The following GALNTL6 variants were observed in gnomAD, a reference collection of about 807,000 sequenced individuals.
The protein encoded by GALNTL6 is polypeptide N-acetylgalactosaminyltransferase like 6.
A neutral mutation model predicts 73.7 loss-of-function variants in GALNTL6; 46 were observed. That is an observed-to-expected ratio of 0.62 (90% CI 0.49 to 0.80). The LOEUF is 0.80. Ranked by LOEUF, GALNTL6 falls within the 30% of genes least tolerant of loss-of-function variation. The pLI, the probability that GALNTL6 is intolerant of heterozygous loss-of-function variation, is 0.00. For synonymous variants in GALNTL6, 259 were observed against 263.7 expected (o/e 0.98, Z 0.17); for missense variants, 604 against 755.0 (o/e 0.80, Z 2.34).
At chr4:173,021,695 GA>G (rs1432932917) in intron 12 of GALNTL6, 70 bp downstream of exon 12, 3 of 1,536,020 alleles carry the variant, frequency 2.0e-6, no homozygotes, top group Non-Finnish European at 2.7e-6. Context: ...AGTTTTCTTT[GA>G]AAACACACCG....
chr4:172,837,844 G>C (rs1407154042), intron 7 of GALNTL6, among the ~76,000 whole-genome samples: 1 of 152,128 alleles, frequency 6.6e-6, no homozygotes, highest in African/African-American at 2.4e-5. Context: ...CCTTCATGGG[G>C]TTTACTAACT....
At chr4:171,942,563 CTGTT>C (rs1329137979) in intron 2 of GALNTL6, among the ~76,000 whole-genome samples, 3 of 152,140 alleles carry the variant, frequency 2.0e-5, no homozygotes, top group African/African-American at 2.4e-5. Flanking sequence ...ACTCCTAAGT[CTGTT>C]TATGATTCAT....
chr4:172,846,719 C>A (rs1743528793), intron 7 of GALNTL6, among the ~76,000 whole-genome samples: 1 of 152,086 alleles, frequency 6.6e-6, no homozygotes, highest in South Asian at 2.1e-4. Flanking sequence ...ATTATTATTG[C>A]TAATTTACAG....
chr4:172,971,907 TA>T (rs1388763962), intron 10 of GALNTL6, among the ~76,000 whole-genome samples: 2 of 152,086 alleles, frequency 1.3e-5, no homozygotes, highest in South Asian at 2.1e-4. Flanking sequence ...TCAGATTGAC[TA>T]AAAAGGCAAC....
chr4:172,896,196 T>G (rs543821049), intron 8 of GALNTL6, among the ~76,000 whole-genome samples: 1 of 152,340 alleles, frequency 6.6e-6, no homozygotes, highest in African/African-American at 2.4e-5. Context: ...TGGAACAATG[T>G]CTACACATTG....
intron 5 of GALNTL6, among the ~76,000 whole-genome samples, chr4:172,737,475 AT>A (rs1444789163): frequency 1.3e-5 from 2 of 151,974 alleles, no homozygotes; most frequent in Admixed American, 1.3e-4. Context: ...TCTTTTTATT[AT>A]TTCAATTTTT....
intron 2 of GALNTL6, among the ~76,000 whole-genome samples, chr4:172,023,340 C>CTT (rs59906896): frequency 6.7e-6 from 1 of 148,540 alleles, no homozygotes; most frequent in African/African-American, 2.5e-5. Flanking sequence ...AAATACATAA[C>CTT]TTTTTTTTTT....
chr4:171,938,456 G>T (rs1738420214), intron 2 of GALNTL6, among the ~76,000 whole-genome samples: 2 of 152,174 alleles, frequency 1.3e-5, no homozygotes, highest in South Asian at 2.1e-4. Context: ...AATATTGTGT[G>T]CATGGACATC....
intron 2 of GALNTL6, among the ~76,000 whole-genome samples, chr4:172,098,699 G>A (rs1257694543): frequency 6.6e-6 from 1 of 152,168 alleles, no homozygotes; most frequent in African/African-American, 2.4e-5. Flanking sequence ...TTAAATTCAA[G>A]TTTGAATGTT....
intron 2 of GALNTL6, among the ~76,000 whole-genome samples, chr4:172,213,199 T>A (rs1233361780): frequency 6.6e-6 from 1 of 152,194 alleles, no homozygotes; most frequent in Non-Finnish European, 1.5e-5. Flanking sequence ...TTGAAGGACA[T>A]CTTAGTTGCT....
At chr4:171,816,380 G>A (rs1231205536) in intron 2 of GALNTL6, 1 of 151,820 alleles carries the variant, frequency 6.6e-6, no homozygotes, top group Non-Finnish European at 1.5e-5. Context: ...AACTGTGACA[G>A]TTTAACTCTC....
intron 5 of GALNTL6, among the ~76,000 whole-genome samples, chr4:172,637,871 A>T (rs1739768095): frequency 6.6e-6 from 1 of 152,094 alleles, no homozygotes; most frequent in South Asian, 2.1e-4. Flanking sequence ...TTAGTTTCCC[A>T]TGCTTTAATC....
At chr4:172,445,058 A>C (rs950222958) in intron 5 of GALNTL6, among the ~76,000 whole-genome samples, 1 of 152,176 alleles carries the variant, frequency 6.6e-6, no homozygotes, top group South Asian at 2.1e-4. Flanking sequence ...CATCAAAATT[A>C]GCAAGAGGCA....
chr4:171,954,857 T>A (rs1334444876), intron 2 of GALNTL6, among the ~76,000 whole-genome samples: 3 of 152,126 alleles, frequency 2.0e-5, no homozygotes, highest in Non-Finnish European at 4.4e-5. Context: ...CACTTTCCAG[T>A]TGTCTCTCTT....
At chr4:173,010,036 G>A (rs1358946958) in intron 11 of GALNTL6, among the ~76,000 whole-genome samples, 1 of 152,102 alleles carries the variant, frequency 6.6e-6, no homozygotes, top group African/African-American at 2.4e-5. Flanking sequence ...ATTTTGAAAT[G>A]TACAATTAAC....
At chr4:172,917,834 A>C (rs1339801456) in intron 8 of GALNTL6, among the ~76,000 whole-genome samples, 1 of 152,248 alleles carries the variant, frequency 6.6e-6, no homozygotes, top group Non-Finnish European at 1.5e-5. Flanking sequence ...TGTGGAAGAC[A>C]GTGTGGAGAT....
In GALNTL6 at chr4:172,647,840, A is replaced by G. The variant is rs905956943; in HGVS notation, c.554-161521A>G. Among the ~76,000 whole-genome samples, 3 of 152,094 alleles carry G rather than the reference A, an allele frequency of 2.0e-5. No individual in the cohort carries two copies. In the East Asian group the frequency reaches 5.8e-4, roughly 29 times the overall value. On this transcript the variant is annotated intron_variant, in intron 5 of 12. Coordinates refer to ENST00000506823, the MANE Select transcript of GALNTL6 (RefSeq NM_001034845.3). ...TCTCCCAGTGCACCCTACAATGGTA[A>G]TGCATTGATTAAGGGTAATAACAGT...
At chr4:173,015,824 T>G (rs1752758544) in intron 11 of GALNTL6, among the ~76,000 whole-genome samples, 1 of 152,090 alleles carries the variant, frequency 6.6e-6, no homozygotes. Flanking sequence ...ACCAAGACAA[T>G]AGGGAATATG....
intron 5 of GALNTL6, among the ~76,000 whole-genome samples, chr4:172,360,790 A>T (rs1742336127): frequency 6.6e-6 from 1 of 152,202 alleles, no homozygotes; most frequent in South Asian, 2.1e-4. Context: ...ATTAGTATGT[A>T]GAAGTTGAAA....
Sources: allele counts gnomAD v4.1 joint callset (sites outside exome capture counted in the v4.1 genomes callset), GRCh38; gene constraint gnomAD v4.1.1; transcripts MANE v1.5; gene names NCBI Gene and HGNC (gene_info 2026-07-23, HGNC 2026-07-21).